Variants in ARHGAP32 observed in about 807,000 individuals in gnomAD.
ARHGAP32 encodes Rho GTPase activating protein 32.
Under a neutral mutation model 186.5 loss-of-function variants are expected in ARHGAP32, and 51 were observed. The observed-to-expected ratio is 0.27, with a 90% CI of 0.22 to 0.35. The LOEUF (loss-of-function observed/expected upper bound fraction) is 0.35. Ranked by LOEUF, ARHGAP32 falls within the 10% of genes least tolerant of loss-of-function variation. The pLI, the probability that ARHGAP32 is intolerant of heterozygous loss-of-function variation, is 1.00. For missense variants in ARHGAP32, 2,186 were observed against 2,623.5 expected, an observed-to-expected ratio of 0.83 and a Z score of 3.64; for synonymous variants, 950 against 964.3, an observed-to-expected ratio of 0.99 and a Z score of 0.27.
chr11:129,004,405 C>T (rs1426014335), intron 11 of ARHGAP32, among the ~76,000 whole-genome samples: 2 of 151,800 alleles, frequency 1.3e-5, no homozygotes. Flanking sequence ...GTCTATAGTG[C>T]AGATTAGGTC....
intron 1 of ARHGAP32, among the ~76,000 whole-genome samples, chr11:129,221,478 ACT>A (rs1944708537): frequency 1.8e-5 from 2 of 108,560 alleles, no homozygotes; most frequent in East Asian, 3.1e-4. Flanking sequence ...AATTGTCATT[ACT>A]GTGTGTGTGT....
chr11:128,989,831 A>G (rs1054780186), intron 12 of ARHGAP32, among the ~76,000 whole-genome samples: 1 of 150,870 alleles, frequency 6.6e-6, no homozygotes, highest in African/African-American at 2.4e-5. Context: ...TGTTCTTGTG[A>G]TAGTTTGCTG....
intron 10 of ARHGAP32, among the ~76,000 whole-genome samples, chr11:129,050,320 C>T (rs1444115112): frequency 6.6e-6 from 1 of 152,184 alleles, no homozygotes; most frequent in Non-Finnish European, 1.5e-5. Flanking sequence ...GATGATATCT[C>T]TTCCAATCTT....
chr11:129,233,621 T>TA lies in ARHGAP32; in HGVS notation c.-5+45524dup, dbSNP rs540593811. 7.4e-3 allele frequency among the ~76,000 whole-genome samples: 1,019 copies of TA among 137,476 alleles called. 8 individuals carry two copies. The highest frequency in any genetic ancestry group is 0.011 in the Non-Finnish European group (678 of 63,408). The allele number at this position is 137,476 out of a possible 152,430, so 90.2% of individuals were successfully genotyped here. A position where few individuals can be genotyped will look rare whatever the true frequency, so the allele number is the denominator to read the frequency against. ...ATCAATGTGGCATGGTCTATAATAT[T>TA]AAAAAAAAAAAAACCTGCAACAATC... On this transcript the variant is annotated intron_variant, in intron 1 of 6. Coordinates refer to the ARHGAP32 transcript ENST00000525234.
intron 2 of ARHGAP32, among the ~76,000 whole-genome samples, chr11:129,161,698 G>A (rs1224257309): frequency 2.0e-5 from 3 of 152,174 alleles, no homozygotes; most frequent in African/African-American, 7.2e-5. Flanking sequence ...ACTGTTGGTG[G>A]GAGTGTAAAT....
intron 1 of ARHGAP32, among the ~76,000 whole-genome samples, chr11:129,248,216 A>T (rs111812284): frequency 3.4e-3 from 388 of 112,816 alleles, no homozygotes; most frequent in African/African-American, 0.011. Context: ...CTGTCTCAAA[A>T]AAAAAAAAAA....
At chr11:129,047,881 A>C (rs1226104141) in intron 10 of ARHGAP32, among the ~76,000 whole-genome samples, 1 of 152,192 alleles carries the variant, frequency 6.6e-6, no homozygotes, top group Admixed American at 6.5e-5. Flanking sequence ...ATCTCCATTG[A>C]ATTGTTAGAA....
At chr11:129,145,272 T>C (rs1346983083) in intron 2 of ARHGAP32, among the ~76,000 whole-genome samples, 1 of 150,680 alleles carries the variant, frequency 6.6e-6, no homozygotes, top group African/African-American at 2.4e-5. Flanking sequence ...ACTTGAATTC[T>C]GTGTACATTA....
At chr11:129,183,697 C>T (rs978693676) in intron 1 of ARHGAP32, among the ~76,000 whole-genome samples, 1 of 152,018 alleles carries the variant, frequency 6.6e-6, no homozygotes, top group Non-Finnish European at 1.5e-5. Context: ...ATGTGGTAAA[C>T]TATTTTTTTC....
At chr11:129,265,096 C>G (rs1945378043) in intron 1 of ARHGAP32, among the ~76,000 whole-genome samples, 1 of 152,116 alleles carries the variant, frequency 6.6e-6, no homozygotes, top group African/African-American at 2.4e-5. Flanking sequence ...ACACAGAATA[C>G]AAATGGATAA....
intron 2 of ARHGAP32, among the ~76,000 whole-genome samples, chr11:129,149,172 T>C (rs1418232974): frequency 6.6e-6 from 1 of 152,190 alleles, no homozygotes; most frequent in Non-Finnish European, 1.5e-5. Context: ...ACCCACAGGC[T>C]GGAGGCCAAT....
chr11:129,059,736 G>A (rs1039851202), intron 10 of ARHGAP32, among the ~76,000 whole-genome samples: 4 of 151,996 alleles, frequency 2.6e-5, no homozygotes, highest in Non-Finnish European at 4.4e-5. Context: ...CTGACCTCAT[G>A]ATCCACCCAC....
chr11:129,173,235 A>G (rs995503327), intron 1 of ARHGAP32, among the ~76,000 whole-genome samples: 2 of 152,038 alleles, frequency 1.3e-5, no homozygotes, highest in African/African-American at 4.8e-5. Context: ...TCCTGGATGC[A>G]TACACCCTAC....
At chr11:129,038,176 G>C (rs185971963) in intron 11 of ARHGAP32, among the ~76,000 whole-genome samples, 2 of 152,082 alleles carry the variant, frequency 1.3e-5, no homozygotes, top group East Asian at 3.9e-4. Flanking sequence ...AGGGTCAACT[G>C]TGTCTAGGGT....
chr11:128,981,452 T>A lies in ARHGAP32; in HGVS notation c.1744A>T (p.Ser582Cys). 1 of 1,612,732 alleles carries A rather than the reference T, an allele frequency of 6.2e-7. No individual in the cohort carries two copies. Among genetic ancestry groups the A allele is most frequent in the South Asian group, 1.1e-5 (1 of 90,922 alleles). Reference protein sequence around the residue: ...FILNHVDVLFSGRISMAMQEG... With the variant: ...FILNHVDVLFCGRISMAMQEG... Reference sequence around the variant, plus strand: ...TGCATGGCCATGCTGATTCTGCCGCTGAACAGCACATCAACGTGATTCAGG... The same window carrying A: ...TGCATGGCCATGCTGATTCTGCCGCAGAACAGCACATCAACGTGATTCAGG... Residue 582 changes from serine to cysteine, a missense_variant, in exon 17 of 23, where the codon AGC becomes TGC. Coordinates refer to ENST00000682385, the MANE Select transcript of ARHGAP32 (RefSeq NM_001378024.1).
chr11:129,074,589 G>T lies in ARHGAP32; in HGVS notation c.532-7721C>A, dbSNP rs191806940. 9.5e-3 allele frequency among the ~76,000 whole-genome samples: 1,450 copies of T among 152,206 alleles called. 9 individuals are homozygous for T. The highest frequency in any genetic ancestry group is 0.012 in the Non-Finnish European group (831 of 67,998). ...GCTCACTGCAACCTCCGCCTCCCAG[G>T]TTCAAGCGATTCTCCTGCCTCAGCT... On this transcript the variant is annotated intron_variant, in intron 6 of 22. Transcript: ENST00000682385.
chr11:129,118,904 T>C lies in ARHGAP32; in HGVS notation c.444+4542A>G, dbSNP rs557022814. 4.6e-5 allele frequency among the ~76,000 whole-genome samples: 7 copies of C among 152,104 alleles called. No homozygotes were observed. The South Asian group carries it at 6.2e-4, about 14-fold the overall frequency. ...AAAAAGGAATTTGTTTTTAAATATATATATAACTCAGCATAATGTGTCTCA... is the reference window on the plus strand; with the variant it reads ...AAAAAGGAATTTGTTTTTAAATATACATATAACTCAGCATAATGTGTCTCA... On this transcript the variant is annotated intron_variant, in intron 5 of 22. Transcript: ENST00000682385.
intron 11 of ARHGAP32, among the ~76,000 whole-genome samples, chr11:129,037,249 C>A (rs1409509418): frequency 8.5e-5 from 13 of 152,174 alleles, no homozygotes; most frequent in Admixed American, 7.9e-4. Context: ...ATAATCCCAG[C>A]ACTTTTGGAG....
At chr11:129,213,866 T>C (rs1944612247) in intron 1 of ARHGAP32, among the ~76,000 whole-genome samples, 1 of 152,096 alleles carries the variant, frequency 6.6e-6, no homozygotes, top group African/African-American at 2.4e-5. Context: ...ATAAATAGTT[T>C]TGTAGGGCGA....
Sources: gnomAD v4.1 joint callset for allele counts (sites outside exome capture counted in the v4.1 genomes callset) on GRCh38, gnomAD v4.1.1 for gene constraint, MANE v1.5 for transcripts, NCBI Gene and HGNC (gene_info 2026-07-23, HGNC 2026-07-21) for gene names.